UNK: variants seen among roughly 807,000 people sequenced by gnomAD.
UNK encodes unk zinc finger.
In UNK, 32 loss-of-function variants were observed where a neutral mutation model predicts 97.6. The ratio of observed to expected loss-of-function variants is 0.33; its 90% CI spans 0.25 to 0.44. The LOEUF is 0.44. Among genes scored for constraint, UNK ranks in the 20% least tolerant of loss-of-function variants. The pLI is 1.00. For synonymous variants in UNK, 441 were observed against 461.2 expected (o/e 0.96, Z 0.56); for missense variants, 771 against 1,098.4 (o/e 0.70, Z 4.21).
intron 1 of UNK, among the ~76,000 whole-genome samples, chr17:75,805,399 GAAA>G (rs75234473): frequency 1.0e-4 from 11 of 104,872 alleles, no homozygotes; most frequent in African/African-American, 3.5e-4. Flanking sequence ...TCTCAAAAAG[GAAA>G]AAAAAAAAAA....
intron 1 of UNK, among the ~76,000 whole-genome samples, chr17:75,803,841 C>G (rs868769992): frequency 6.6e-6 from 1 of 152,154 alleles, no homozygotes; most frequent in South Asian, 2.1e-4. Flanking sequence ...TGAGGAGAAT[C>G]GCTCCCAACC....
chr17:75,822,688 C>A, intron 14 of UNK, 30 bp downstream of exon 14: 2 of 1,564,750 alleles, frequency 1.3e-6, no homozygotes, highest in South Asian at 2.4e-5. Flanking sequence ...CCGGCCTTCC[C>A]CAGTGCCAGG....
intron 1 of UNK, among the ~76,000 whole-genome samples, chr17:75,786,186 A>G (rs1179111864): frequency 6.6e-6 from 1 of 152,182 alleles, no homozygotes; most frequent in Non-Finnish European, 1.5e-5. Flanking sequence ...TGATATGGAC[A>G]TTGCTTTCCT....
rs371060047 is a variant in UNK, at chr17:75,819,819, G to A, written c.1648+34G>A. The A allele has an allele frequency of 6.8e-6, 11 of 1,612,470 alleles. No individual in the cohort carries two copies. Among genetic ancestry groups the A allele is most frequent in the South Asian group, 6.6e-5 (6 of 91,044 alleles). On this transcript the variant is annotated intron_variant, in intron 12 of 15. Coordinates refer to ENST00000589666, the MANE Select transcript of UNK (RefSeq NM_001080419.3). This position sits in a 1 kb window ranked among gnomAD's most constrained non-coding sequence, Gnocchi z 5.4. ...TGTGGGTGGGCAGGGCAGCCTGGAG[G>A]ACTCCTCGGGTTCCTGCCTGGCTCA...
intron 1 of UNK, chr17:75,785,703 A>G (rs1343816759): frequency 6.6e-6 from 1 of 152,042 alleles, no homozygotes; most frequent in Non-Finnish European, 1.5e-5. Context: ...CTCTTCCTGG[A>G]AGTCTTGCAT....
intron 1 of UNK, among the ~76,000 whole-genome samples, chr17:75,808,471 G>A (rs77541262): frequency 7.7e-4 from 117 of 152,050 alleles, no homozygotes; most frequent in East Asian, 6.6e-3. Context: ...GCACATCCAC[G>A]AAGGTACTGG....
Position 75,817,060 on chromosome 17 carries a change from C to T in UNK, c.1104+148C>T, listed in dbSNP as rs530114640. ...CTGTCTTTTCCATCTCAGCATTCTT[C>T]GTCAAAAGTCCAGGCCCGGGGGTGG... On this transcript the variant is annotated intron_variant, in intron 8 of 15. Coordinates refer to ENST00000589666, the MANE Select transcript of UNK (RefSeq NM_001080419.3). This position sits in a 1 kb window ranked among gnomAD's most constrained non-coding sequence, Gnocchi z 5.8. 1.9e-5 allele frequency: 25 copies of T among 1,329,608 alleles called. No homozygotes were observed. The highest frequency in any genetic ancestry group is 8.8e-5 in the African/African-American group (6 of 67,824). The allele number at this position is 1,329,608 out of a possible 1,614,324, so 82.4% of individuals were successfully genotyped here. A position where few individuals can be genotyped will look rare whatever the true frequency, so the allele number is the denominator to read the frequency against.
At chr17:75,793,722 G>C in intron 1 of UNK, 1 of 985,280 alleles carries the variant, frequency 1.0e-6, no homozygotes, top group Non-Finnish European at 1.2e-6. Context: ...TTTCCTGTTA[G>C]CATTTGAAAC....
chr17:75,805,895 T>C (rs919475836), intron 1 of UNK, among the ~76,000 whole-genome samples: 2 of 151,846 alleles, frequency 1.3e-5, no homozygotes, highest in African/African-American at 4.8e-5. Flanking sequence ...TGAACATTTG[T>C]AATCCATTTT....
chr17:75,792,272 A>AT (rs747247711), intron 1 of UNK: 16 of 982,522 alleles, frequency 1.6e-5, no homozygotes, highest in Non-Finnish European at 1.9e-5. Context: ...TTGCTTAATG[A>AT]TTAAGTTTTT....
chr17:75,793,381 A>T, intron 1 of UNK: 1 of 980,676 alleles, frequency 1.0e-6, no homozygotes, highest in Non-Finnish European at 1.2e-6. Context: ...AAGTAATCAC[A>T]ACAAACTTTT....
At position 75,805,810 on chromosome 17, in the gene UNK, A is replaced by G. The variant is rs201498049; in HGVS notation, c.105-3950A>G. On this transcript the variant is annotated intron_variant, in intron 1 of 15. Transcript: ENST00000589666. ...GAGCCCCTGCCTTATAAAAAGAAAA[A>G]TGTGTGTGTGTGTGTGTGTGTGTGT... is the stretch of plus-strand genomic sequence containing the variant. Among the ~76,000 whole-genome samples, 1,001 of 145,386 alleles carry G rather than the reference A, an allele frequency of 6.9e-3. 13 individuals carry two copies. Among genetic ancestry groups the G allele is most frequent in the African/African-American group, 0.025 (964 of 39,176 alleles).
chr17:75,819,857 T>C lies in UNK; in HGVS notation c.1649-63T>C, dbSNP rs1397749750. 6.2e-7 allele frequency: 1 copy of C among 1,605,918 alleles called. No individual in the cohort carries two copies. The highest frequency in any genetic ancestry group is 8.5e-7 in the Non-Finnish European group (1 of 1,175,634). On this transcript the variant is annotated intron_variant, in intron 12 of 15. Transcript: ENST00000589666. The surrounding 1 kb of genome is among the most constrained non-coding windows in gnomAD (Gnocchi z 5.4). ...CCTGCCTGGCTCAGGCCCCTTGCTC[T>C]GTGTGGCCCGCCTGGCTTCCGCTGC...
chr17:75,810,253 T>C (rs2061956331), intron 2 of UNK, among the ~76,000 whole-genome samples: 1 of 152,212 alleles, frequency 6.6e-6, no homozygotes, highest in Non-Finnish European at 1.5e-5. Context: ...CATCCTCCCC[T>C]GGGGATCACA....
Position 75,819,705 on chromosome 17 carries a change from A to G in UNK, c.1568A>G (p.Asp523Gly). The change falls in exon 12 of 16, where the codon GAC becomes GGC. Residue 523 changes from aspartate (D) to glycine (G), a missense_variant. Physicochemically the swap from Asp to Gly is moderately conservative, Grantham distance 94. Around this residue, in one of 5 missense-constraint regions of UNK, gnomAD observed 91 missense variants for 173.1 expected, o/e 0.53. Coordinates refer to ENST00000589666, the MANE Select transcript of UNK (RefSeq NM_001080419.3). This position sits in a 1 kb window ranked among gnomAD's most constrained non-coding sequence, Gnocchi z 5.4. Reference sequence around the variant, plus strand: ...CTAGAGTCTGCTTTGGATGACCTGGACCTGAATGAGTTTGGCGTGGCCGCC... The same window carrying G: ...CTAGAGTCTGCTTTGGATGACCTGGGCCTGAATGAGTTTGGCGTGGCCGCC... ...SVIESALDDL[D>G]LNEFGVAALE... 1 of 1,613,816 alleles carries G rather than the reference A, an allele frequency of 6.2e-7. No individual in the cohort carries two copies. Among genetic ancestry groups the G allele is most frequent in the Non-Finnish European group, 8.5e-7 (1 of 1,179,880 alleles).
rs1016331783 is a variant in UNK at position 75,784,914 on chromosome 17, G to T, written c.34G>T (p.Ala12Ser). 2.6e-6 allele frequency: 4 copies of T among 1,566,536 alleles called. No homozygotes were observed. Among genetic ancestry groups the T allele is most frequent in the Non-Finnish European group, 3.4e-6 (4 of 1,159,740 alleles). ...SKGPGPGGSA[A>S]SSAPPAATAQ... ...GGGCCCCGGGCCCGGCGGCTCCGCA[G>T]CTTCCTCGGCGCCCCCGGCCGCTAC... The change falls in exon 1 of 16, where the codon GCT (alanine) becomes TCT (serine). Residue 12 changes from alanine to serine, a missense_variant. Physicochemically the swap from Ala to Ser is moderately conservative, Grantham distance 99. Around this residue, in one of 5 missense-constraint regions of UNK, gnomAD observed 34 missense variants for 24.7 expected, o/e 1.37. Coordinates refer to ENST00000589666, the MANE Select transcript of UNK (RefSeq NM_001080419.3).
rs374056565 is a variant in UNK at position 75,819,577 on chromosome 17, C to T, written c.1547-107C>T. 2.6e-5 allele frequency: 27 copies of T among 1,024,056 alleles called. No individual in the cohort carries two copies. The highest frequency in any genetic ancestry group is 9.6e-5 in the Admixed American group (5 of 52,146). The allele number at this position is 1,024,056 out of a possible 1,614,324, so 63.4% of individuals were successfully genotyped here. On this transcript the variant is annotated intron_variant, in intron 11 of 15. Transcript: ENST00000589666. The surrounding 1 kb of genome is among the most constrained non-coding windows in gnomAD (Gnocchi z 5.4). ...AAGGGCACAGGGGCTTGGGAGAATA[C>T]GGACCCAGCGTAGCATGGGCGTGAA...
intron 1 of UNK, among the ~76,000 whole-genome samples, chr17:75,787,293 C>T: frequency 6.6e-6 from 1 of 152,100 alleles, no homozygotes; most frequent in South Asian, 2.1e-4. Flanking sequence ...CTCACTGTAG[C>T]CTCGACCTCC....
intron 13 of UNK, chr17:75,821,368 G>T: frequency 2.2e-6 from 1 of 456,500 alleles, no homozygotes; most frequent in Non-Finnish European, 4.4e-6. Context: ...GAGGTGCCCA[G>T]CCATTGGGAT....
Sources: allele counts gnomAD v4.1 joint callset (sites outside exome capture counted in the v4.1 genomes callset), GRCh38; gene constraint gnomAD v4.1.1; regional missense constraint gnomAD v4.1.1; non-coding constraint Gnocchi (gnomAD v3.1); transcripts MANE v1.5; gene names NCBI Gene and HGNC (gene_info 2026-07-23, HGNC 2026-07-21).